PLPP1: variants seen among roughly 807,000 people sequenced by gnomAD.
The protein encoded by PLPP1 is lipid phosphate phosphohydrolase 1a.
In PLPP1, 24 loss-of-function variants were observed where a neutral mutation model predicts 31.2. That is an observed-to-expected ratio of 0.77 (90% confidence interval 0.56 to 1.08). The LOEUF (loss-of-function observed/expected upper bound fraction) is 1.08. PLPP1 is among the 50% of genes least tolerant of loss of function. The probability of loss-of-function intolerance (pLI) is 0.00; values close to 1 mark genes in which losing one functional copy is unlikely to be tolerated. For missense variants in PLPP1, 319 were observed against 342.7 expected (o/e 0.93, Z 0.55); for synonymous variants, 146 against 126.3 (o/e 1.16, Z -1.05).
At chr5:55,508,346 C>CTT (rs1012824768) in intron 1 of PLPP1, among the ~76,000 whole-genome samples, 1 of 152,216 alleles carries the variant, frequency 6.6e-6, no homozygotes, top group Non-Finnish European at 1.5e-5. Flanking sequence ...GTGGGCACCT[C>CTT]TATGTGTCTG....
intron 1 of PLPP1, among the ~76,000 whole-genome samples, chr5:55,486,617 A>G (rs1461541403): frequency 6.6e-6 from 1 of 152,052 alleles, no homozygotes; most frequent in Non-Finnish European, 1.5e-5. Context: ...TAAAATATAT[A>G]AAGTGATTAA....
chr5:55,512,536 GAAAGAA>G (rs1561253225), intron 1 of PLPP1, among the ~76,000 whole-genome samples: 2 of 10,494 alleles, frequency 1.9e-4, no homozygotes, highest in African/African-American at 3.8e-4. Flanking sequence ...AAGAAAGAAA[GAAAGAA>G]AGAAAGAAAG....
intron 4 of PLPP1, among the ~76,000 whole-genome samples, chr5:55,428,994 C>G (rs1386850041): frequency 1.3e-5 from 2 of 152,026 alleles, no homozygotes; most frequent in Non-Finnish European, 2.9e-5. Flanking sequence ...ACCACATAGC[C>G]CTGCCTTCTC....
At chr5:55,493,018 A>G (rs550198019) in intron 1 of PLPP1, among the ~76,000 whole-genome samples, 3 of 152,338 alleles carry the variant, frequency 2.0e-5, no homozygotes, top group Admixed American at 1.3e-4. Context: ...GTTCACGATA[A>G]GAACTCAAAG....
At chr5:55,521,308 C>T (rs1488018392) in intron 1 of PLPP1, among the ~76,000 whole-genome samples, 1 of 150,216 alleles carries the variant, frequency 6.7e-6, no homozygotes, top group Non-Finnish European at 1.5e-5. Context: ...GCCGAGATTG[C>T]GCCACTGCAC....
intron 3 of PLPP1, among the ~76,000 whole-genome samples, chr5:55,465,034 T>C (rs1156405624): frequency 8.3e-6 from 1 of 120,286 alleles, no homozygotes; most frequent in Non-Finnish European, 1.7e-5. Context: ...TTTTTTTATG[T>C]GGGGCGGAGG....
At chr5:55,466,269 T>C (rs1752292796) in intron 3 of PLPP1, among the ~76,000 whole-genome samples, 1 of 152,218 alleles carries the variant, frequency 6.6e-6, no homozygotes, top group Admixed American at 6.5e-5. Flanking sequence ...ATCCTTTGTT[T>C]AATGTAAATC....
chr5:55,454,569 G>A (rs1045566475), intron 3 of PLPP1, among the ~76,000 whole-genome samples: 1 of 152,148 alleles, frequency 6.6e-6, no homozygotes, highest in Non-Finnish European at 1.5e-5. Flanking sequence ...ATATTCCCTG[G>A]AGACTAAGTA....
rs138268993 is a variant in PLPP1 at position 55,523,774 on chromosome 5, T to C, written c.58+10798A>G. Among the ~76,000 whole-genome samples, 73 of 152,320 alleles carry C rather than the reference T, an allele frequency of 4.8e-4. No homozygotes were observed. The East Asian group carries it at 0.013, about 26-fold the overall frequency. On this transcript the variant is annotated intron_variant, in intron 1 of 5. Coordinates refer to ENST00000307259, the MANE Select transcript of PLPP1 (RefSeq NM_003711.4). ...TGCCCTCAACACCTGCTCCTCCCTA[T>C]GCTTGGAATTTTCCCCCAGCTCCTC... is the stretch of plus-strand genomic sequence containing the variant.
At chr5:55,433,945 T>C (rs1359395992) in intron 4 of PLPP1, among the ~76,000 whole-genome samples, 2 of 151,974 alleles carry the variant, frequency 1.3e-5, no homozygotes. Flanking sequence ...AAAACCAGCC[T>C]GGCCAACATG....
intron 3 of PLPP1, among the ~76,000 whole-genome samples, chr5:55,459,146 T>G (rs551694729): frequency 6.6e-6 from 1 of 151,500 alleles, no homozygotes; most frequent in Non-Finnish European, 1.5e-5. Context: ...TGACTATATA[T>G]TAATATCAGG....
intron 3 of PLPP1, among the ~76,000 whole-genome samples, chr5:55,448,598 C>A (rs1332778527): frequency 6.6e-6 from 1 of 152,092 alleles, no homozygotes; most frequent in African/African-American, 2.4e-5. Context: ...CAGGCGTGCG[C>A]CACCACACCC....
intron 1 of PLPP1, chr5:55,530,356 G>C (rs1287518444): frequency 1.5e-6 from 2 of 1,368,812 alleles, no homozygotes; most frequent in East Asian, 4.6e-5. Flanking sequence ...TGAAATAAGT[G>C]ATTACTGTTA....
At chr5:55,428,692 AG>A (rs1294448953) in intron 4 of PLPP1, among the ~76,000 whole-genome samples, 3 of 152,226 alleles carry the variant, frequency 2.0e-5, no homozygotes, top group African/African-American at 7.2e-5. Context: ...AACTAGATAC[AG>A]GGGACACAGC....
chr5:55,525,620 G>A lies in PLPP1; in HGVS notation c.58+8952C>T, dbSNP rs1054256038. Among the ~76,000 whole-genome samples, 3 of 152,292 alleles carry A rather than the reference G, an allele frequency of 2.0e-5. No homozygotes were observed. The East Asian group carries it at 5.8e-4, about 29-fold the overall frequency. On this transcript the variant is annotated intron_variant, in intron 1 of 5. Coordinates refer to ENST00000307259, the MANE Select transcript of PLPP1 (RefSeq NM_003711.4). Reference sequence around the variant, plus strand: ...CAAAGTGCTGGGATTACAGGCATGAGCCACCATGCCTGGCCCCCAATTTTA... The same window carrying A: ...CAAAGTGCTGGGATTACAGGCATGAACCACCATGCCTGGCCCCCAATTTTA...
At chr5:55,462,699 C>T (rs183939399) in intron 3 of PLPP1, among the ~76,000 whole-genome samples, 49 of 152,166 alleles carry the variant, frequency 3.2e-4, no homozygotes, top group African/African-American at 8.4e-4. Context: ...GCCAGCTGGG[C>T]GCAGTGGCTC....
intron 4 of PLPP1, among the ~76,000 whole-genome samples, chr5:55,438,832 T>C (rs1044248461): frequency 5.4e-5 from 8 of 146,884 alleles, no homozygotes; most frequent in African/African-American, 1.0e-4. Context: ...ACCCGGGAGG[T>C]GGAGCTTGCA....
At position 55,534,733 on chromosome 5, in the gene PLPP1, G is replaced by A. The variant is rs1481668504; in HGVS notation, c.-104C>T. On this transcript the variant is annotated 5_prime_UTR_variant, in exon 1 of 6. Coordinates refer to ENST00000307259, the MANE Select transcript of PLPP1 (RefSeq NM_003711.4). The stretch of plus-strand genomic sequence containing the variant: ...GGGCCGGGGCTGGCGACGGCCCCGA[G>A]CTACGGCCCCTCCCAGCCGGAGGAG... The A allele has an allele frequency of 4.1e-6, 5 of 1,219,224 alleles. No homozygotes were observed. Among genetic ancestry groups the A allele is most frequent in the Admixed American group, 5.1e-5 (2 of 39,558 alleles). 75.5% of individuals were successfully genotyped at this position (1,219,224 alleles called of 1,614,324 possible).
At chr5:55,472,324 C>T (rs1337157882) in intron 2 of PLPP1, among the ~76,000 whole-genome samples, 8 of 151,458 alleles carry the variant, frequency 5.3e-5, no homozygotes, top group Non-Finnish European at 1.2e-4. Context: ...GAGTATAGGC[C>T]GGGCGCAGTG....
Sources: gnomAD v4.1 joint callset for allele counts (sites outside exome capture counted in the v4.1 genomes callset) on GRCh38, gnomAD v4.1.1 for gene constraint, MANE v1.5 for transcripts, NCBI Gene and HGNC (gene_info 2026-07-23, HGNC 2026-07-21) for gene names.